SLCO2A1: variants seen among roughly 807,000 people sequenced by gnomAD.
The protein encoded by SLCO2A1 is matrin F/G 1.
In SLCO2A1, 60 loss-of-function variants were observed where a neutral mutation model predicts 71.7. That is an observed-to-expected ratio of 0.84 (90% CI 0.68 to 1.04). The LOEUF (loss-of-function observed/expected upper bound fraction) is 1.04, where lower values mean the gene tolerates loss of function less well. Among genes scored for constraint, SLCO2A1 ranks in the 50% least tolerant of loss-of-function variants. SLCO2A1 has a pLI of 0.00. For missense variants in SLCO2A1, 745 were observed against 813.4 expected, an observed-to-expected ratio of 0.92 and a Z score of 1.02; for synonymous variants, 308 against 326.7, an observed-to-expected ratio of 0.94 and a Z score of 0.62.
Position 133,942,702 on chromosome 3 carries a change from G to A in SLCO2A1, c.1528C>T (p.Pro510Ser). ...ASAKTGSCPV[P>S]CAHFLLPAIF... ...GCCGGGAGCAGGAAGTGGGCACAGGGGACAGGGCACGATCCTGTCTTTGCT... is the reference window on the plus strand; with the variant it reads ...GCCGGGAGCAGGAAGTGGGCACAGGAGACAGGGCACGATCCTGTCTTTGCT... The change falls in exon 11 of 14, where the codon CCC becomes TCC. Residue 510 changes from proline to serine, a missense_variant. Coordinates refer to ENST00000310926, the MANE Select transcript of SLCO2A1 (RefSeq NM_005630.3). The A allele has an allele frequency of 6.2e-7, 1 of 1,613,906 alleles. No homozygotes were observed. Among genetic ancestry groups the A allele is most frequent in the Non-Finnish European group, 8.5e-7 (1 of 1,179,932 alleles).
At chr3:134,011,520 T>C (rs1339284887) in intron 1 of SLCO2A1, among the ~76,000 whole-genome samples, 3 of 152,248 alleles carry the variant, frequency 2.0e-5, no homozygotes, top group Non-Finnish European at 2.9e-5. Context: ...ACCACAGCCC[T>C]GTGAGTTCAC....
At chr3:133,955,731 C>T (rs890163455) in intron 3 of SLCO2A1, among the ~76,000 whole-genome samples, 10 of 152,160 alleles carry the variant, frequency 6.6e-5, no homozygotes, top group Non-Finnish European at 1.5e-4. Context: ...GTTGTGACTC[C>T]CAGGGCCTTT....
intron 11 of SLCO2A1, among the ~76,000 whole-genome samples, chr3:133,941,569 T>A (rs917417621): frequency 2.0e-5 from 3 of 151,792 alleles, no homozygotes; most frequent in African/African-American, 7.3e-5. Context: ...GTGGGTTAGG[T>A]GAATTTGGTA....
chr3:134,012,698 G>A (rs1423711202), intron 1 of SLCO2A1, among the ~76,000 whole-genome samples: 1 of 152,164 alleles, frequency 6.6e-6, no homozygotes, highest in African/African-American at 2.4e-5. Flanking sequence ...AAACCAGAGA[G>A]GGAAATGAGC....
chr3:134,027,182 T>C (rs541061822), intron 1 of SLCO2A1, among the ~76,000 whole-genome samples: 11 of 152,244 alleles, frequency 7.2e-5, no homozygotes, highest in Non-Finnish European at 1.6e-4. Flanking sequence ...AGGAGGGGAA[T>C]AAGGGAGGAG....
chr3:133,957,206 A>G (rs1001139244), intron 3 of SLCO2A1, among the ~76,000 whole-genome samples: 5 of 152,166 alleles, frequency 3.3e-5, no homozygotes, highest in Non-Finnish European at 7.4e-5. Flanking sequence ...ATTCAGTTTA[A>G]TTCTCACTTG....
chr3:133,985,111 G>A (rs1934683404), intron 1 of SLCO2A1, among the ~76,000 whole-genome samples: 1 of 152,196 alleles, frequency 6.6e-6, no homozygotes, highest in African/African-American at 2.4e-5. Context: ...CAGTTCTCCG[G>A]TAGTCTGAGA....
In SLCO2A1 at chr3:133,938,332, G is replaced by A. The variant is rs181677513; in HGVS notation, c.1690+97C>T. ...CACAGCTTCTCTTCGCCATGGAGAT[G>A]AGATGGTGCTTCCTCCATCGCTACC... On this transcript the variant is annotated intron_variant, in intron 12 of 13. Transcript: ENST00000310926. 75 of 1,025,602 alleles carry A rather than the reference G, an allele frequency of 7.3e-5. No individual in the cohort carries two copies. The African/African-American group carries it at 9.3e-4, about 13-fold the overall frequency. 63.5% of individuals were successfully genotyped at this position (1,025,602 alleles called of 1,614,324 possible).
chr3:133,984,223 C>T (rs1934657386), intron 1 of SLCO2A1, among the ~76,000 whole-genome samples: 1 of 152,176 alleles, frequency 6.6e-6, no homozygotes, highest in Non-Finnish European at 1.5e-5. Context: ...AGACATGCCT[C>T]TAAGTACAGA....
chr3:133,999,413 T>C (rs1328373790), intron 1 of SLCO2A1, among the ~76,000 whole-genome samples: 1 of 152,158 alleles, frequency 6.6e-6, no homozygotes, highest in African/African-American at 2.4e-5. Context: ...CATTTGAAAT[T>C]ATATGGTAAG....
intron 1 of SLCO2A1, among the ~76,000 whole-genome samples, chr3:133,996,516 C>G (rs1934968523): frequency 6.6e-6 from 1 of 152,224 alleles, no homozygotes; most frequent in African/African-American, 2.4e-5. Flanking sequence ...ATGCTACAGA[C>G]AGGCTAGCTT....
At position 133,935,965 on chromosome 3, in the gene SLCO2A1, G is replaced by A. The variant is rs1249560083; in HGVS notation, c.1691-68C>T. 3 of 1,433,518 alleles carry A rather than the reference G, an allele frequency of 2.1e-6. No individual in the cohort carries two copies. The East Asian group carries it at 7.5e-5, about 36-fold the overall frequency. The allele number at this position is 1,433,518 out of a possible 1,614,324, so 88.8% of individuals were successfully genotyped here. A position where few individuals can be genotyped will look rare whatever the true frequency, so the allele number is the denominator to read the frequency against. ...GCAGAGGTGTCCAGCAGGGGTGTGG[G>A]AGCCAAGTCCCCGACACAGTTCACA... On this transcript the variant is annotated intron_variant, in intron 12 of 13. Transcript: ENST00000310926.
intron 2 of SLCO2A1, among the ~76,000 whole-genome samples, chr3:133,976,109 G>A (rs1394838481): frequency 6.6e-6 from 1 of 152,208 alleles, no homozygotes; most frequent in East Asian, 1.9e-4. Flanking sequence ...TTTTTCAAGA[G>A]GAGGACATAG....
chr3:133,954,431 G>C (rs1365666661), intron 4 of SLCO2A1, among the ~76,000 whole-genome samples: 1 of 152,188 alleles, frequency 6.6e-6, no homozygotes, highest in African/African-American at 2.4e-5. Context: ...CAAAGTGCTG[G>C]GATTACAGGC....
At chr3:134,028,970 C>T (rs550715868) in intron 1 of SLCO2A1, among the ~76,000 whole-genome samples, 4 of 136,294 alleles carry the variant, frequency 2.9e-5, no homozygotes, top group Admixed American at 1.5e-4. Context: ...TCTTCTCACC[C>T]GCTCCCCATA....
At chr3:134,021,934 C>T (rs1168299043) in intron 1 of SLCO2A1, among the ~76,000 whole-genome samples, 2 of 151,774 alleles carry the variant, frequency 1.3e-5, no homozygotes, top group Non-Finnish European at 2.9e-5. Context: ...ACCCAGTAAC[C>T]CGCAGATGGC....
At chr3:133,948,475 G>A in intron 8 of SLCO2A1, 61 bp downstream of exon 8, 7 of 1,553,918 alleles carry the variant, frequency 4.5e-6, no homozygotes, top group Admixed American at 3.6e-5. Context: ...ATGGGTGGCT[G>A]GAGTGCCTGC....
At chr3:134,027,786 A>G (rs1935728305) in intron 1 of SLCO2A1, among the ~76,000 whole-genome samples, 1 of 152,222 alleles carries the variant, frequency 6.6e-6, no homozygotes, top group Non-Finnish European at 1.5e-5. Flanking sequence ...GGAAAGGTGC[A>G]AGTGACTTTA....
At chr3:133,977,924 A>C (rs1934497823) in intron 2 of SLCO2A1, among the ~76,000 whole-genome samples, 1 of 152,108 alleles carries the variant, frequency 6.6e-6, no homozygotes, top group African/African-American at 2.4e-5. Context: ...CAATACAAGC[A>C]GACAGACAGA....
Sources: gnomAD v4.1 joint callset for allele counts (sites outside exome capture counted in the v4.1 genomes callset) on GRCh38, gnomAD v4.1.1 for gene constraint, MANE v1.5 for transcripts, NCBI Gene and HGNC (gene_info 2026-07-23, HGNC 2026-07-21) for gene names.